The following FHIT variants were observed in gnomAD, a reference collection of about 807,000 sequenced individuals.
FHIT encodes the protein bis(5'-adenosyl)-triphosphatase.
A neutral mutation model predicts 17.9 loss-of-function variants in FHIT; 19 were observed. The observed-to-expected ratio is 1.06, with a 90% CI of 0.74 to 1.56. The LOEUF is 1.56. Ranked by LOEUF, FHIT falls within the 40% of genes most tolerant of loss-of-function variation. The pLI, the probability that FHIT is intolerant of heterozygous loss-of-function variation, is 0.00. For synonymous variants in FHIT, 81 were observed against 69.7 expected, an observed-to-expected ratio of 1.16 and a Z score of -0.81; for missense variants, 248 against 189.2, an observed-to-expected ratio of 1.31 and a Z score of -1.82.
chr3:60,977,030 G>A (rs913958414), intron 3 of FHIT, among the ~76,000 whole-genome samples: 22 of 152,142 alleles, frequency 1.4e-4, no homozygotes, highest in African/African-American at 4.3e-4. Context: ...TCAACATGAC[G>A]GTCTGATGAT....
At chr3:60,371,367 T>TC (rs1700320927) in intron 5 of FHIT, among the ~76,000 whole-genome samples, 1 of 150,606 alleles carries the variant, frequency 6.6e-6, no homozygotes, top group Non-Finnish European at 1.5e-5. Flanking sequence ...TCTTCTAGCT[T>TC]TTTTTTTTAA....
intron 1 of FHIT, among the ~76,000 whole-genome samples, chr3:61,251,076 TGGA>T (rs1325930618): frequency 6.6e-6 from 1 of 151,770 alleles, no homozygotes; most frequent in Non-Finnish European, 1.5e-5. Context: ...ATAAACACGG[TGGA>T]GGAGGAACGG....
At chr3:60,959,980 T>C (rs1407582696) in intron 3 of FHIT, among the ~76,000 whole-genome samples, 1 of 151,988 alleles carries the variant, frequency 6.6e-6, no homozygotes, top group Non-Finnish European at 1.5e-5. Context: ...AAAAAATATA[T>C]ACTTTGTAAT....
At chr3:60,339,022 A>C (rs922427006) in intron 5 of FHIT, among the ~76,000 whole-genome samples, 1 of 152,194 alleles carries the variant, frequency 6.6e-6, no homozygotes, top group Admixed American at 6.5e-5. Context: ...CATCTGGCAT[A>C]TAGTTTGTAA....
At chr3:60,825,048 A>G (rs1385517563) in intron 3 of FHIT, among the ~76,000 whole-genome samples, 3 of 152,204 alleles carry the variant, frequency 2.0e-5, no homozygotes, top group Non-Finnish European at 4.4e-5. Context: ...GACTGACACA[A>G]TTCAGTGTTG....
intron 2 of FHIT, among the ~76,000 whole-genome samples, chr3:61,059,954 G>A (rs1001135717): frequency 3.3e-5 from 5 of 151,954 alleles, no homozygotes; most frequent in African/African-American, 9.7e-5. Context: ...TAGGTGAACC[G>A]GCATGTCTAC....
chr3:60,365,147 T>C (rs542545434), intron 5 of FHIT, among the ~76,000 whole-genome samples: 156 of 149,098 alleles, frequency 1.0e-3, no homozygotes, highest in African/African-American at 3.5e-3. Flanking sequence ...ATATACAGTA[T>C]ATATTATATA....
chr3:60,211,757 G>A (rs802933), intron 5 of FHIT, among the ~76,000 whole-genome samples: 90,024 of 151,894 alleles, frequency 0.59, 27,037 homozygotes, highest in East Asian at 0.81. Flanking sequence ...AATGAAATAA[G>A]GATGTGAGAT....
chr3:60,081,723 C>G (rs2736786), intron 5 of FHIT, among the ~76,000 whole-genome samples: 60,875 of 151,616 alleles, frequency 0.4, 12,764 homozygotes, highest in African/African-American at 0.52. Context: ...TATTATAGAT[C>G]TGTGGGGTGT....
At chr3:60,152,838 G>A (rs7616806) in intron 5 of FHIT, among the ~76,000 whole-genome samples, 1 of 151,908 alleles carries the variant, frequency 6.6e-6, no homozygotes, top group African/African-American at 2.4e-5. Flanking sequence ...AAACCTGTAG[G>A]TTAAAACATG....
intron 5 of FHIT, among the ~76,000 whole-genome samples, chr3:60,508,940 T>C (rs927581960): frequency 6.6e-6 from 1 of 152,152 alleles, no homozygotes; most frequent in African/African-American, 2.4e-5. Context: ...AACGTGATAG[T>C]ATAAATGTAC....
intron 5 of FHIT, among the ~76,000 whole-genome samples, chr3:60,378,200 G>A (rs1233982531): frequency 1.3e-5 from 2 of 151,554 alleles, no homozygotes; most frequent in East Asian, 2.0e-4. Flanking sequence ...CTAATTTTTT[G>A]TATTTTTAGT....
At position 61,247,074 on chromosome 3, in the gene FHIT, C is replaced by G. The variant is rs894167875; in HGVS notation, c.-213+4227G>C. Among the ~76,000 whole-genome samples, 7 of 151,946 alleles carry G rather than the reference C, an allele frequency of 4.6e-5. No homozygotes were observed. The East Asian group carries it at 1.4e-3, about 29-fold the overall frequency. ...GCCGAGAATATACCCTCACTCACCC[C>G]ATCAGTGCCTCCCTACCAGCCCCAT... On this transcript the variant is annotated intron_variant, in intron 1 of 9. Transcript: ENST00000492590.
intron 4 of FHIT, chr3:60,617,944 T>G (rs1323921826): frequency 3.8e-6 from 1 of 263,606 alleles, no homozygotes; most frequent in Non-Finnish European, 7.7e-6. Flanking sequence ...CCTTGGGTTC[T>G]GGATTCAAGC....
intron 5 of FHIT, among the ~76,000 whole-genome samples, chr3:60,388,767 G>A (rs1433964231): frequency 1.3e-5 from 2 of 152,194 alleles, no homozygotes; most frequent in Non-Finnish European, 2.9e-5. Context: ...GCACATGCCA[G>A]CTCTTGTGTT....
At chr3:60,394,825 G>T (rs1400595093) in intron 5 of FHIT, among the ~76,000 whole-genome samples, 7 of 152,098 alleles carry the variant, frequency 4.6e-5, no homozygotes, top group African/African-American at 1.7e-4. Flanking sequence ...TTAAAAAACT[G>T]CATTAAGTCC....
intron 5 of FHIT, among the ~76,000 whole-genome samples, chr3:60,501,724 AT>A (rs1343369457): frequency 6.6e-6 from 1 of 152,216 alleles, no homozygotes; most frequent in Non-Finnish European, 1.5e-5. Flanking sequence ...GAGATCATAT[AT>A]CCACATTAAG....
intron 5 of FHIT, among the ~76,000 whole-genome samples, chr3:60,090,371 A>G (rs1482881580): frequency 6.6e-6 from 1 of 152,168 alleles, no homozygotes; most frequent in Non-Finnish European, 1.5e-5. Context: ...AATAAGCCCT[A>G]ATGAGTTCAA....
intron 3 of FHIT, among the ~76,000 whole-genome samples, chr3:60,849,396 T>C (rs1703050278): frequency 6.7e-6 from 1 of 149,570 alleles, no homozygotes; most frequent in South Asian, 2.1e-4. Flanking sequence ...CCAAAGAGAA[T>C]AAAATTGTCA....
Sources: gnomAD v4.1 joint callset for allele counts (sites outside exome capture counted in the v4.1 genomes callset) on GRCh38, gnomAD v4.1.1 for gene constraint, MANE v1.5 for transcripts, NCBI Gene and HGNC (gene_info 2026-07-23, HGNC 2026-07-21) for gene names.